The following GABRA3 variants were observed in gnomAD, a reference collection of about 807,000 sequenced individuals.
GABRA3 encodes the protein gamma-aminobutyric acid type A receptor subunit alpha3.
GABRA3 carries 10 observed loss-of-function variants against 30.1 expected under a neutral mutation model. The ratio of observed to expected loss-of-function variants is 0.33; its 90% CI spans 0.20 to 0.56. The LOEUF is 0.56. Among genes scored for constraint, GABRA3 ranks in the 20% least tolerant of loss-of-function variants. The pLI is 0.89. For missense variants in GABRA3, 233 were observed against 392.0 expected, an observed-to-expected ratio of 0.59 and a Z score of 3.42; for synonymous variants, 151 against 146.8, an observed-to-expected ratio of 1.03 and a Z score of -0.21.
At chrX:152,253,229 A>C (rs1399597718) in intron 5 of GABRA3, among the ~76,000 whole-genome samples, 1 of 111,672 alleles carries the variant, frequency 9.0e-6, no homozygotes, top group Non-Finnish European at 1.9e-5. Flanking sequence ...CTCTTTCCTG[A>C]AGTGATGACA....
intron 4 of GABRA3, among the ~76,000 whole-genome samples, chrX:152,258,377 T>C (rs1025572997): frequency 4.5e-5 from 5 of 111,635 alleles, no homozygotes; most frequent in African/African-American, 1.3e-4. Context: ...CCAGTTCACA[T>C]TTAAGACATA....
At chrX:152,410,512 ATAAT>A (rs747226245) in intron 1 of GABRA3, among the ~76,000 whole-genome samples, 5 of 111,774 alleles carry the variant, frequency 4.5e-5, no homozygotes, top group African/African-American at 1.3e-4. Flanking sequence ...TGTATCCATA[ATAAT>A]TAATAACAAA....
intron 5 of GABRA3, among the ~76,000 whole-genome samples, chrX:152,235,419 T>C (rs775169032): frequency 9.0e-6 from 1 of 111,366 alleles, no homozygotes; most frequent in East Asian, 2.8e-4. Flanking sequence ...AACAGACATC[T>C]AAATAGGAAA....
intron 1 of GABRA3, among the ~76,000 whole-genome samples, chrX:152,433,193 T>C (rs1218275661): frequency 1.8e-5 from 2 of 110,301 alleles, no homozygotes; most frequent in Non-Finnish European, 1.9e-5. Context: ...CCATACACAA[T>C]GGAGACACAT....
chrX:152,342,945 C>G (rs891694257), intron 3 of GABRA3, among the ~76,000 whole-genome samples: 1 of 111,343 alleles, frequency 9.0e-6, no homozygotes, highest in South Asian at 3.8e-4. Context: ...GATGTTTTAC[C>G]CACTGTTTCC....
intron 6 of GABRA3, among the ~76,000 whole-genome samples, chrX:152,214,030 C>G (rs1351235327): frequency 1.8e-5 from 2 of 110,892 alleles, no homozygotes; most frequent in African/African-American, 6.6e-5. Context: ...TGCCCAAATA[C>G]GAAACATTGC....
intron 3 of GABRA3, among the ~76,000 whole-genome samples, chrX:152,321,854 C>T (rs775696307): frequency 9.1e-6 from 1 of 110,488 alleles, no homozygotes; most frequent in East Asian, 2.8e-4. Context: ...TTCCTTTCCT[C>T]CCTGTCCTTC....
chrX:152,395,682 T>C (rs1412481835), intron 1 of GABRA3, among the ~76,000 whole-genome samples: 2 of 111,657 alleles, frequency 1.8e-5, no homozygotes, highest in Non-Finnish European at 3.8e-5. Flanking sequence ...GAAGACTATA[T>C]CCCAAGACTA....
intron 9 of GABRA3, among the ~76,000 whole-genome samples, chrX:152,178,974 T>C (rs1010252018): frequency 3.6e-5 from 4 of 111,717 alleles, no homozygotes; most frequent in African/African-American, 1.3e-4. Context: ...TATGTAACCC[T>C]TCCTGAATCC....
intron 3 of GABRA3, among the ~76,000 whole-genome samples, chrX:152,342,113 C>T (rs925081487): frequency 1.8e-5 from 2 of 111,757 alleles, no homozygotes; most frequent in Non-Finnish European, 3.8e-5. Flanking sequence ...CCTCGTGATC[C>T]GCCCACCTCA....
At chrX:152,240,129 G>A (rs1280786528) in intron 5 of GABRA3, among the ~76,000 whole-genome samples, 2 of 102,085 alleles carry the variant, frequency 2.0e-5, no homozygotes, top group East Asian at 7.2e-4. Flanking sequence ...GCAGCAGCTG[G>A]TACCGGTTGT....
chrX:152,276,703 G>C (rs11094565), intron 4 of GABRA3, among the ~76,000 whole-genome samples: 9,231 of 111,166 alleles, frequency 0.083, 825 homozygotes, highest in African/African-American at 0.26. Flanking sequence ...ATGAATTAGA[G>C]TAAAATACAC....
intron 9 of GABRA3, chrX:152,171,277 C>T (rs972351643): frequency 8.7e-5 from 14 of 160,869 alleles, no homozygotes; most frequent in African/African-American, 4.4e-4. Flanking sequence ...TTTTTTTTAG[C>T]TCCATAGGCA....
intron 3 of GABRA3, among the ~76,000 whole-genome samples, chrX:152,315,511 G>A (rs1939860465): frequency 9.0e-6 from 1 of 111,335 alleles, no homozygotes; most frequent in Non-Finnish European, 1.9e-5. Flanking sequence ...CAGAACTCAG[G>A]GGAAGGCATG....
intron 5 of GABRA3, among the ~76,000 whole-genome samples, chrX:152,251,584 C>T (rs1423093430): frequency 9.1e-6 from 1 of 110,412 alleles, no homozygotes; most frequent in Non-Finnish European, 1.9e-5. Context: ...TGCTTCTCTT[C>T]CATTTGCTTA....
intron 9 of GABRA3, among the ~76,000 whole-genome samples, chrX:152,174,478 C>A (rs1258223368): frequency 8.9e-6 from 1 of 111,953 alleles, no homozygotes; most frequent in Non-Finnish European, 1.9e-5. Flanking sequence ...TTAACGATCG[C>A]CATTCTAACT....
At chrX:152,310,418 T>A (rs1479796714) in intron 3 of GABRA3, among the ~76,000 whole-genome samples, 2 of 111,868 alleles carry the variant, frequency 1.8e-5, no homozygotes, top group Non-Finnish European at 3.8e-5. Context: ...AAAACTGAAA[T>A]CATACCAATG....
rs375143528 is a variant in GABRA3 at position 152,290,925 on chromosome X, T to G, written c.263-6190A>C. The stretch of plus-strand genomic sequence containing the variant: ...TGTTTTGGTTACTATAGCTTTGTAG[T>G]ATAGTTTGAAGTCAGGTAGCATGAC... On this transcript the variant is annotated intron_variant, in intron 3 of 9. Transcript: ENST00000370314. 4.7e-3 allele frequency among the ~76,000 whole-genome samples: 525 copies of G among 111,986 alleles called. 3 individuals carry two copies. Among genetic ancestry groups the G allele is most frequent in the African/African-American group, 0.016 (495 of 30,818 alleles).
At chrX:152,208,456 G>C (rs1030829323) in intron 6 of GABRA3, among the ~76,000 whole-genome samples, 1 of 111,894 alleles carries the variant, frequency 8.9e-6, no homozygotes, top group East Asian at 2.8e-4. Context: ...GTAGGGGCAG[G>C]GGGAGGAATG....
Sources: allele counts gnomAD v4.1 joint callset (sites outside exome capture counted in the v4.1 genomes callset), GRCh38; gene constraint gnomAD v4.1.1; transcripts MANE v1.5; gene names NCBI Gene and HGNC (gene_info 2026-07-23, HGNC 2026-07-21).